The following AGBL1 variants were observed in gnomAD, a reference collection of about 807,000 sequenced individuals.
AGBL1 encodes the protein cytosolic carboxypeptidase 4.
In AGBL1, 130 loss-of-function variants were observed where a neutral mutation model predicts 118.9. That is an observed-to-expected ratio of 1.09 (90% confidence interval 0.95 to 1.26). AGBL1 has a LOEUF of 1.26. Among genes scored for constraint, AGBL1 ranks in the 50% most tolerant of loss-of-function variants. The pLI is 0.00. For synonymous variants in AGBL1, 555 were observed against 478.9 expected (o/e 1.16, Z -2.08); for missense variants, 1,584 against 1,298.1 (o/e 1.22, Z -3.38).
intron 22 of AGBL1, among the ~76,000 whole-genome samples, chr15:86,786,258 C>T (rs575607918): frequency 1.3e-5 from 2 of 151,952 alleles, no homozygotes; most frequent in South Asian, 2.1e-4. Flanking sequence ...CCTCCCCCTT[C>T]CCCCGACCCC....
At chr15:86,958,848 G>A (rs1388845887) in intron 23 of AGBL1, among the ~76,000 whole-genome samples, 3 of 152,096 alleles carry the variant, frequency 2.0e-5, no homozygotes, top group African/African-American at 4.8e-5. Context: ...CTATGTGTCT[G>A]TTAAAATGAA....
At chr15:86,565,776 C>T (rs2083903762) in intron 21 of AGBL1, among the ~76,000 whole-genome samples, 1 of 152,232 alleles carries the variant, frequency 6.6e-6, no homozygotes, top group South Asian at 2.1e-4. Flanking sequence ...CCTTGGGCTC[C>T]ACCCAGTTTG....
chr15:86,366,806 G>A (rs78007292), intron 17 of AGBL1, among the ~76,000 whole-genome samples: 1 of 151,900 alleles, frequency 6.6e-6, no homozygotes, highest in Non-Finnish European at 1.5e-5. Flanking sequence ...TATGATCTTG[G>A]GGGGAAAAAG....
intron 22 of AGBL1, among the ~76,000 whole-genome samples, chr15:86,691,197 A>C (rs1270674983): frequency 2.0e-5 from 3 of 152,108 alleles, no homozygotes; most frequent in African/African-American, 7.2e-5. Context: ...AGCTCCTTAT[A>C]AGGCAAATGA....
chr15:86,244,749 A>T (rs1256704474), intron 6 of AGBL1, among the ~76,000 whole-genome samples: 22 of 152,232 alleles, frequency 1.4e-4, no homozygotes, highest in Non-Finnish European at 2.9e-5. Context: ...GAAAAAAGAC[A>T]AAAGTCCTTA....
intron 21 of AGBL1, among the ~76,000 whole-genome samples, chr15:86,662,845 G>A (rs575228690): frequency 6.6e-6 from 1 of 152,180 alleles, no homozygotes; most frequent in Non-Finnish European, 1.5e-5. Flanking sequence ...CGCATGACCA[G>A]TGAAGATATG....
At chr15:86,096,561 T>C (rs1191098925) in intron 1 of AGBL1, among the ~76,000 whole-genome samples, 4 of 151,960 alleles carry the variant, frequency 2.6e-5, no homozygotes, top group Non-Finnish European at 5.9e-5. Flanking sequence ...GTGAGAAGAG[T>C]ATTGGGGAAA....
intron 17 of AGBL1, among the ~76,000 whole-genome samples, chr15:86,384,396 G>T (rs375787305): frequency 2.0e-5 from 3 of 152,096 alleles, no homozygotes; most frequent in African/African-American, 4.8e-5. Flanking sequence ...ATTGATGGGG[G>T]CGGGTGCACA....
intron 18 of AGBL1, among the ~76,000 whole-genome samples, chr15:86,464,056 G>T (rs1338463514): frequency 3.9e-5 from 6 of 152,072 alleles, no homozygotes; most frequent in Non-Finnish European, 7.4e-5. Context: ...CACAATATTG[G>T]TTCTTTCTAT....
intron 22 of AGBL1, among the ~76,000 whole-genome samples, chr15:86,906,489 A>T (rs1364227184): frequency 6.6e-6 from 1 of 152,214 alleles, no homozygotes; most frequent in Non-Finnish European, 1.5e-5. Context: ...TTCAACCTGG[A>T]TTAATTTTCC....
In AGBL1 at chr15:86,131,450, TA is replaced by T. The variant is rs2076817344; in HGVS notation, c.52-10551del. ...CTATTTTACAATGTCCTATTTTTTT[TA>T]AACTTGCTATATTTCAAAATTCAAT... On this transcript the variant is annotated intron_variant, in intron 1 of 22. Transcript: ENST00000614907. 2.6e-5 allele frequency among the ~76,000 whole-genome samples: 4 copies of T among 152,338 alleles called. No homozygotes were observed. In the South Asian group the frequency reaches 8.3e-4, roughly 32 times the overall value.
intron 23 of AGBL1, among the ~76,000 whole-genome samples, chr15:86,967,785 C>T (rs902576062): frequency 5.9e-5 from 9 of 152,154 alleles, no homozygotes; most frequent in African/African-American, 1.9e-4. Context: ...GTTCTTTTGG[C>T]TTAGGATTGA....
At chr15:86,232,475 G>C (rs2078471735) in intron 6 of AGBL1, among the ~76,000 whole-genome samples, 1 of 152,200 alleles carries the variant, frequency 6.6e-6, no homozygotes, top group South Asian at 2.1e-4. Flanking sequence ...GTGCTTCCCA[G>C]CGTTAGCAGC....
chr15:86,783,555 G>C (rs1264948246), intron 22 of AGBL1, among the ~76,000 whole-genome samples: 1 of 152,166 alleles, frequency 6.6e-6, no homozygotes, highest in Non-Finnish European at 1.5e-5. Flanking sequence ...CCCTGCCATT[G>C]GCTTTCTTTG....
At chr15:86,783,222 G>T (rs1448815144) in intron 22 of AGBL1, among the ~76,000 whole-genome samples, 1 of 152,138 alleles carries the variant, frequency 6.6e-6, no homozygotes, top group African/African-American at 2.4e-5. Context: ...CCATTTAGAT[G>T]CATGTTTATT....
At position 86,173,460 on chromosome 15, in the gene AGBL1, G is replaced by C. The variant is rs1308119262; in HGVS notation, c.488+14434G>C. ...TTTTTCGTTTAATGTAGTCCCATTT[G>C]TCTGTTTGTGTTTTTGTTGCCTGTG... is the stretch of plus-strand genomic sequence containing the variant. On this transcript the variant is annotated intron_variant, in intron 5 of 22. Coordinates refer to ENST00000614907, the MANE Select transcript of AGBL1 (RefSeq NM_001386094.1). Among the ~76,000 whole-genome samples, 7 of 151,744 alleles carry C rather than the reference G, an allele frequency of 4.6e-5. No individual in the cohort carries two copies. In the East Asian group the frequency reaches 1.2e-3, roughly 25 times the overall value.
chr15:86,666,014 C>T (rs769320942), intron 21 of AGBL1, among the ~76,000 whole-genome samples: 7 of 151,976 alleles, frequency 4.6e-5, no homozygotes, highest in African/African-American at 1.7e-4. Flanking sequence ...AAGGGAAAAC[C>T]CTCATTAATA....
At chr15:86,312,777 A>G (rs924171) in intron 17 of AGBL1, among the ~76,000 whole-genome samples, 83,707 of 151,992 alleles carry the variant, frequency 0.55, 23,898 homozygotes, top group Admixed American at 0.63. Context: ...CTGACAGGGT[A>G]AAGCCCTAAT....
chr15:86,877,217 C>A (rs1034607864), intron 22 of AGBL1, among the ~76,000 whole-genome samples: 1 of 152,168 alleles, frequency 6.6e-6, no homozygotes, highest in East Asian at 1.9e-4. Context: ...CTTCTGCAGG[C>A]ATCCTGGCTG....
Sources: allele counts gnomAD v4.1 joint callset (sites outside exome capture counted in the v4.1 genomes callset), GRCh38; gene constraint gnomAD v4.1.1; transcripts MANE v1.5; gene names NCBI Gene and HGNC (gene_info 2026-07-23, HGNC 2026-07-21).